SELENOF: variants seen among roughly 807,000 people sequenced by gnomAD.
SELENOF encodes the protein 15 kDa selenoprotein.
A neutral mutation model predicts 20.5 loss-of-function variants in SELENOF; 16 were observed. That is an observed-to-expected ratio of 0.78 (90% confidence interval 0.53 to 1.19). SELENOF has a LOEUF of 1.19. SELENOF is among the 50% of genes most tolerant of loss of function. SELENOF has a pLI of 0.00. For synonymous variants in SELENOF, 78 were observed against 74.5 expected (o/e 1.05, Z -0.24); for missense variants, 215 against 194.2 (o/e 1.11, Z -0.64).
At chr1:86,877,310 A>G (rs1005973788) in intron 3 of SELENOF, among the ~76,000 whole-genome samples, 11 of 152,204 alleles carry the variant, frequency 7.2e-5, no homozygotes, top group Non-Finnish European at 1.5e-4. Context: ...AAGAAAATCA[A>G]TGAAGATAAT....
At chr1:86,866,381 T>C (rs1282180422) in intron 4 of SELENOF, among the ~76,000 whole-genome samples, 2 of 149,384 alleles carry the variant, frequency 1.3e-5, no homozygotes, top group East Asian at 2.0e-4. Flanking sequence ...ATTCCACTCA[T>C]AGTAAGTATC....
chr1:86,892,438 C>T (rs956876461), intron 2 of SELENOF, among the ~76,000 whole-genome samples: 3 of 152,132 alleles, frequency 2.0e-5, no homozygotes, highest in East Asian at 1.9e-4. Context: ...TACAGACACA[C>T]GACAAAAGTG....
At chr1:86,906,959 C>A (rs940358584) in intron 1 of SELENOF, among the ~76,000 whole-genome samples, 1 of 152,156 alleles carries the variant, frequency 6.6e-6, no homozygotes, top group Non-Finnish European at 1.5e-5. Flanking sequence ...AAAACTGTTA[C>A]CAAAACCTTT....
intron 4 of SELENOF, among the ~76,000 whole-genome samples, chr1:86,867,548 G>T (rs1234270267): frequency 6.6e-6 from 1 of 152,098 alleles, no homozygotes; most frequent in African/African-American, 2.4e-5. Flanking sequence ...TTGCCAGGGG[G>T]TGGGGAAGAG....
In SELENOF at chr1:86,914,058, T is replaced by C; in HGVS notation, c.54A>G (p.Leu18=). ...GAAGCACAGTCGCCAACAACAACCG[T>C]AGCCCAAACGCCGGCACCAGACACC... ...PSGCLVPAFG[L]RLLLATVLQA... Residue 18 remains leucine, a synonymous_variant, in exon 1 of 5, where the codon CTA becomes CTG. Coordinates refer to ENST00000331835, the MANE Select transcript of SELENOF (RefSeq NM_004261.5). 1 of 1,613,922 alleles carries C rather than the reference T, an allele frequency of 6.2e-7. No homozygotes were observed. The highest frequency in any genetic ancestry group is 8.5e-7 in the Non-Finnish European group (1 of 1,179,868).
At chr1:86,880,101 A>T (rs1659025644) in intron 3 of SELENOF, among the ~76,000 whole-genome samples, 1 of 152,222 alleles carries the variant, frequency 6.6e-6, no homozygotes. Flanking sequence ...CTTTTAAGAA[A>T]ATAACCCCTT....
intron 2 of SELENOF, among the ~76,000 whole-genome samples, chr1:86,881,038 C>T (rs1659054162): frequency 6.6e-6 from 1 of 152,090 alleles, no homozygotes; most frequent in Non-Finnish European, 1.5e-5. Context: ...GGAAGCGCTA[C>T]AAAATATTAA....
chr1:86,906,485 C>T (rs1659828948), intron 1 of SELENOF, among the ~76,000 whole-genome samples: 1 of 152,196 alleles, frequency 6.6e-6, no homozygotes, highest in Non-Finnish European at 1.5e-5. Context: ...CATGACTGTT[C>T]TGAACAACAG....
chr1:86,913,448 G>A (rs570290748), intron 1 of SELENOF, among the ~76,000 whole-genome samples: 1 of 152,288 alleles, frequency 6.6e-6, no homozygotes, highest in South Asian at 2.1e-4. Flanking sequence ...CTTCAAAAAT[G>A]AATTATACTT....
intron 1 of SELENOF, among the ~76,000 whole-genome samples, chr1:86,905,703 T>G (rs947119152): frequency 1.3e-5 from 2 of 152,162 alleles, no homozygotes; most frequent in Non-Finnish European, 2.9e-5. Flanking sequence ...TAGCGTCAGG[T>G]AGGGGAAATT....
At position 86,887,227 on chromosome 1, in the gene SELENOF, A is replaced by G. The variant is rs757232507; in HGVS notation, c.253-6502T>C. 2.6e-4 allele frequency: 394 copies of G among 1,530,320 alleles called. 1 individual carries two copies. The highest frequency in any genetic ancestry group is 3.3e-4 in the Non-Finnish European group (371 of 1,139,320). 94.8% of individuals were successfully genotyped at this position (1,530,320 alleles called of 1,614,324 possible). On this transcript the variant is annotated intron_variant, in intron 2 of 4. Coordinates refer to ENST00000331835, the MANE Select transcript of SELENOF (RefSeq NM_004261.5). ...GATTAGGGGAAAAAAAATCAGCGTTATAATTTTAACAAACAAAGCTGGCAA... is the reference window on the plus strand; with the variant it reads ...GATTAGGGGAAAAAAAATCAGCGTTGTAATTTTAACAAACAAAGCTGGCAA...
chr1:86,905,553 G>A (rs1659806798), intron 1 of SELENOF, among the ~76,000 whole-genome samples: 1 of 152,002 alleles, frequency 6.6e-6, no homozygotes, highest in African/African-American at 2.4e-5. Flanking sequence ...AGTACCGTTC[G>A]TGACACTGTA....
intron 2 of SELENOF, among the ~76,000 whole-genome samples, chr1:86,893,139 A>G (rs1659431259): frequency 6.6e-6 from 1 of 152,224 alleles, no homozygotes; most frequent in Non-Finnish European, 1.5e-5. Context: ...GGATAATAGT[A>G]TTTACATTAT....
At chr1:86,871,082 T>G (rs1658752681) in intron 3 of SELENOF, among the ~76,000 whole-genome samples, 2 of 152,226 alleles carry the variant, frequency 1.3e-5, no homozygotes, top group African/African-American at 4.8e-5. Flanking sequence ...TTAAATACCT[T>G]GTAGCAGCAA....
In SELENOF at chr1:86,863,350, A is replaced by G; in HGVS notation, c.*124T>C. On this transcript the variant is annotated 3_prime_UTR_variant, in exon 5 of 5. Transcript: ENST00000331835. ...TATACTGCCATTTCACGATTTAATT[A>G]GATATTTAATGCCTCAAGTAAAAGA... 3.8e-6 allele frequency: 3 copies of G among 784,566 alleles called. No homozygotes were observed. Among genetic ancestry groups the G allele is most frequent in the Non-Finnish European group, 5.8e-6 (3 of 513,644 alleles). 48.6% of individuals were successfully genotyped at this position (784,566 alleles called of 1,614,324 possible).
At chr1:86,882,124 C>T (rs560049534) in intron 2 of SELENOF, among the ~76,000 whole-genome samples, 6 of 151,350 alleles carry the variant, frequency 4.0e-5, no homozygotes, top group South Asian at 2.1e-4. Context: ...CCCAGCTACT[C>T]GTGGGGCTGA....
intron 1 of SELENOF, among the ~76,000 whole-genome samples, chr1:86,905,738 C>T (rs1394029687): frequency 6.6e-6 from 1 of 152,144 alleles, no homozygotes; most frequent in East Asian, 1.9e-4. Flanking sequence ...ACTGACTGAT[C>T]TTCTAGACTA....
At chr1:86,895,274 C>CAAA (rs543737878) in intron 2 of SELENOF, among the ~76,000 whole-genome samples, 72 of 152,002 alleles carry the variant, frequency 4.7e-4, no homozygotes, top group Non-Finnish European at 1.0e-3. Context: ...TTTCTTTTAC[C>CAAA]CTACTTTGTC....
At position 86,880,600 on chromosome 1, in the gene SELENOF, C is replaced by G. The variant is rs117558810; in HGVS notation, c.316+62G>C. ...TATTCCTGGGAATATATAGTGAAAACGATTCACATAAAATGTTGATTTTAA... is the reference window on the plus strand; with the variant it reads ...TATTCCTGGGAATATATAGTGAAAAGGATTCACATAAAATGTTGATTTTAA... On this transcript the variant is annotated intron_variant, in intron 3 of 4. Coordinates refer to ENST00000331835, the MANE Select transcript of SELENOF (RefSeq NM_004261.5). 5.4e-4 allele frequency: 475 copies of G among 883,912 alleles called. 6 individuals are homozygous for G. Among genetic ancestry groups the G allele is most frequent in the South Asian group, 5.3e-3 (304 of 57,386 alleles). The allele number at this position is 883,912 out of a possible 1,614,324, so 54.8% of individuals were successfully genotyped here.
Sources: allele counts gnomAD v4.1 joint callset (sites outside exome capture counted in the v4.1 genomes callset), GRCh38; gene constraint gnomAD v4.1.1; transcripts MANE v1.5; gene names NCBI Gene and HGNC (gene_info 2026-07-23, HGNC 2026-07-21).